FNDC3B: variants seen among roughly 807,000 people sequenced by gnomAD.
FNDC3B encodes fibronectin type III domain-containing protein 3B.
Under a neutral mutation model 151.5 loss-of-function variants are expected in FNDC3B, and 12 were observed. That is an observed-to-expected ratio of 0.08 (90% CI 0.05 to 0.13). The LOEUF (loss-of-function observed/expected upper bound fraction) is 0.13. FNDC3B is among the 10% of genes least tolerant of loss of function. FNDC3B has a pLI of 1.00. For missense variants in FNDC3B, 1,214 were observed against 1,505.3 expected (o/e 0.81, Z 3.20); for synonymous variants, 528 against 549.0 (o/e 0.96, Z 0.54).
chr3:172,116,999 G>T (rs1559973670), intron 2 of FNDC3B, among the ~76,000 whole-genome samples: 1 of 152,162 alleles, frequency 6.6e-6, no homozygotes, highest in South Asian at 2.1e-4. Context: ...AGACATCTGA[G>T]TTATTTTCAC....
chr3:172,286,310 T>C (rs1292475933), intron 7 of FNDC3B, among the ~76,000 whole-genome samples: 2 of 152,062 alleles, frequency 1.3e-5, no homozygotes, highest in Non-Finnish European at 2.9e-5. Flanking sequence ...TTTAACCATA[T>C]AAATGTAGTA....
intron 1 of FNDC3B, among the ~76,000 whole-genome samples, chr3:172,064,240 A>C (rs949391797): frequency 2.0e-5 from 3 of 152,194 alleles, no homozygotes; most frequent in African/African-American, 7.2e-5. Flanking sequence ...GAACCAGGAA[A>C]GGAGCCCTCA....
intron 3 of FNDC3B, among the ~76,000 whole-genome samples, chr3:172,145,586 G>T (rs1430101279): frequency 1.3e-5 from 2 of 152,186 alleles, no homozygotes; most frequent in Non-Finnish European, 2.9e-5. Context: ...TTTGCCTGCT[G>T]CACTGTGGTA....
At chr3:172,168,231 C>T (rs1175473285) in intron 3 of FNDC3B, among the ~76,000 whole-genome samples, 1 of 152,186 alleles carries the variant, frequency 6.6e-6, no homozygotes, top group Non-Finnish European at 1.5e-5. Context: ...TACATATTGC[C>T]ATATCCCAGC....
chr3:172,202,315 T>G (rs1029268133), intron 3 of FNDC3B, among the ~76,000 whole-genome samples: 1 of 152,232 alleles, frequency 6.6e-6, no homozygotes, highest in Non-Finnish European at 1.5e-5. Flanking sequence ...TCTTTAGTCT[T>G]AAGCAATACA....
chr3:172,197,318 T>C (rs1229677456), intron 3 of FNDC3B, among the ~76,000 whole-genome samples: 2 of 152,354 alleles, frequency 1.3e-5, no homozygotes, highest in South Asian at 2.1e-4. Flanking sequence ...CAACTTAGTT[T>C]AGAGAAATAA....
chr3:172,357,610 A>G (rs1218074023), intron 22 of FNDC3B, among the ~76,000 whole-genome samples: 1 of 152,184 alleles, frequency 6.6e-6, no homozygotes, highest in Non-Finnish European at 1.5e-5. Context: ...TTTTCACCCT[A>G]AACCAAAACA....
intron 23 of FNDC3B, among the ~76,000 whole-genome samples, chr3:172,370,607 A>C (rs1043267604): frequency 7.9e-5 from 12 of 152,142 alleles, no homozygotes; most frequent in African/African-American, 2.9e-4. Flanking sequence ...GAGTTATGTG[A>C]CTTGTTCAAG....
At chr3:172,355,143 G>A (rs1267274568) in intron 22 of FNDC3B, among the ~76,000 whole-genome samples, 1 of 152,074 alleles carries the variant, frequency 6.6e-6, no homozygotes, top group Admixed American at 6.5e-5. Context: ...AATTGAATTT[G>A]TCCTTTAATT....
At chr3:172,265,009 A>G (rs747384163) in intron 6 of FNDC3B, among the ~76,000 whole-genome samples, 31 of 152,206 alleles carry the variant, frequency 2.0e-4, no homozygotes, top group Admixed American at 6.5e-4. Context: ...ATAAGGGAGA[A>G]TATATCCAAG....
In FNDC3B at chr3:172,341,240, T is replaced by G. The variant is rs200501383; in HGVS notation, c.1971+9T>G. On this transcript the variant is annotated intron_variant, in intron 17 of 25. Transcript: ENST00000415807. ...CCGGCGGACACAGCCAGGTTGGTTTTGTTTCCATATGAAAGTAAACCTCAT... is the reference window on the plus strand; with the variant it reads ...CCGGCGGACACAGCCAGGTTGGTTTGGTTTCCATATGAAAGTAAACCTCAT... 9 of 1,587,318 alleles carry G rather than the reference T, an allele frequency of 5.7e-6. No homozygotes were observed. In the East Asian group the frequency reaches 2.0e-4, roughly 35 times the overall value.
chr3:172,255,002 T>C (rs7633794), intron 6 of FNDC3B, among the ~76,000 whole-genome samples: 5,670 of 152,330 alleles, frequency 0.037, 361 homozygotes, highest in African/African-American at 0.13. Flanking sequence ...GTAACCCTTA[T>C]GACTTGAATA....
At chr3:172,167,218 A>T (rs1723049719) in intron 3 of FNDC3B, among the ~76,000 whole-genome samples, 1 of 152,212 alleles carries the variant, frequency 6.6e-6, no homozygotes, top group Non-Finnish European at 1.5e-5. Context: ...CAACATGGCG[A>T]AACCCCATCT....
chr3:172,044,508 G>T (rs1331234048), intron 1 of FNDC3B, among the ~76,000 whole-genome samples: 2 of 152,018 alleles, frequency 1.3e-5, no homozygotes, highest in African/African-American at 4.8e-5. Flanking sequence ...TCTTTGAATT[G>T]TTCTATGTTA....
chr3:172,318,053 T>C (rs1478129640), intron 11 of FNDC3B, among the ~76,000 whole-genome samples: 1 of 152,218 alleles, frequency 6.6e-6, no homozygotes, highest in Non-Finnish European at 1.5e-5. Flanking sequence ...TGTGGGAATG[T>C]GACTACTGGA....
rs777448467 is a variant in FNDC3B, at chr3:172,335,052, G to C, written c.1750G>C (p.Val584Leu). 6.8e-6 allele frequency: 11 copies of C among 1,611,240 alleles called. 1 individual carries two copies. In the Admixed American group the frequency reaches 1.8e-4, roughly 27 times the overall value. ...PPTRPLVKGP[V>L]TSHGFSVKWD... ...TACCAGACCGCTTGTCAAAGGCCCA[G>C]TTACATCTCATGGCTTTAGTGTCAA... The change falls in exon 15 of 26, where the codon GTT (valine) becomes CTT (leucine). Residue 584 changes from valine (V) to leucine (L), a missense_variant. By Grantham distance (32) the Val-to-Leu change is conservative (BLOSUM62 1). Coordinates refer to ENST00000415807, the MANE Select transcript of FNDC3B (RefSeq NM_022763.4).
intron 3 of FNDC3B, among the ~76,000 whole-genome samples, chr3:172,165,983 A>G (rs572531402): frequency 5.5e-4 from 83 of 151,710 alleles, no homozygotes; most frequent in Non-Finnish European, 1.2e-3. Context: ...TCTTTTGAGA[A>G]TATTTGTTTC....
At chr3:172,208,707 GCTT>G (rs1725558078) in intron 3 of FNDC3B, among the ~76,000 whole-genome samples, 1 of 115,890 alleles carries the variant, frequency 8.6e-6, no homozygotes, top group South Asian at 3.3e-4. Flanking sequence ...TGCCTTCTGG[GCTT>G]CTTCTGCCCA....
intron 1 of FNDC3B, among the ~76,000 whole-genome samples, chr3:172,047,766 C>G (rs1397169393): frequency 6.6e-6 from 1 of 152,178 alleles, no homozygotes; most frequent in Non-Finnish European, 1.5e-5. Context: ...CCACCCCACT[C>G]CACTCTACCA....
Sources: allele counts gnomAD v4.1 joint callset (sites outside exome capture counted in the v4.1 genomes callset), GRCh38; gene constraint gnomAD v4.1.1; transcripts MANE v1.5; gene names NCBI Gene and HGNC (gene_info 2026-07-23, HGNC 2026-07-21).